NLGN1: variants seen among roughly 807,000 people sequenced by gnomAD.
NLGN1 encodes the protein neuroligin-1.
Under a neutral mutation model 65.5 loss-of-function variants are expected in NLGN1, and 12 were observed. The ratio of observed to expected loss-of-function variants is 0.18; its 90% CI spans 0.12 to 0.30. NLGN1 has a LOEUF of 0.30. NLGN1 is among the 10% of genes least tolerant of loss of function. The pLI, the probability that NLGN1 is intolerant of heterozygous loss-of-function variation, is 1.00. For missense variants in NLGN1, 750 were observed against 1,007.1 expected (o/e 0.74, Z 3.46); for synonymous variants, 350 against 359.5 (o/e 0.97, Z 0.30).
intron 2 of NLGN1, among the ~76,000 whole-genome samples, chr3:173,557,383 T>C (rs902431749): frequency 4.7e-4 from 71 of 152,230 alleles, no homozygotes; most frequent in African/African-American, 1.6e-3. Flanking sequence ...GTATGACTTA[T>C]CTCATTTTTT....
intron 3 of NLGN1, among the ~76,000 whole-genome samples, chr3:173,653,434 G>C (rs2149655391): frequency 6.6e-6 from 1 of 151,956 alleles, no homozygotes; most frequent in East Asian, 1.9e-4. Context: ...GTTTGTTAAG[G>C]GTCTTCATCA....
At chr3:174,080,168 TC>T (rs1442698126) in intron 4 of NLGN1, among the ~76,000 whole-genome samples, 1 of 152,188 alleles carries the variant, frequency 6.6e-6, no homozygotes. Flanking sequence ...AGTGCCTACA[TC>T]CAAAATATAT....
At chr3:174,129,027 A>C (rs1012622081) in intron 4 of NLGN1, among the ~76,000 whole-genome samples, 1 of 152,134 alleles carries the variant, frequency 6.6e-6, no homozygotes, top group African/African-American at 2.4e-5. Flanking sequence ...ATAGGTAACA[A>C]GCTTCAATTA....
At chr3:173,533,010 C>T (rs1405518637) in intron 2 of NLGN1, among the ~76,000 whole-genome samples, 2 of 152,120 alleles carry the variant, frequency 1.3e-5, no homozygotes, top group African/African-American at 4.8e-5. Flanking sequence ...ATTTTGCATG[C>T]GTATTCTTGA....
At position 174,107,232 on chromosome 3, in the gene NLGN1, A is replaced by G. The variant is rs184608434; in HGVS notation, c.647-168083A>G. On this transcript the variant is annotated intron_variant, in intron 4 of 6. Transcript: ENST00000457714. ...AGTCAAGGTAAAGAACACTACCATC[A>G]TCATAAGGATCTCTCATGTTGCCCT... 6.5e-4 allele frequency among the ~76,000 whole-genome samples: 99 copies of G among 152,172 alleles called. 1 individual carries two copies. The highest frequency in any genetic ancestry group is 2.3e-3 in the African/African-American group (97 of 41,518).
rs115558676 is a variant in NLGN1, at chr3:173,679,844, G to A, written c.493+74753G>A. Among the ~76,000 whole-genome samples, 532 of 152,144 alleles carry A rather than the reference G, an allele frequency of 3.5e-3. 4 individuals are homozygous for A. Among genetic ancestry groups the A allele is most frequent in the Non-Finnish European group, 5.1e-3 (346 of 67,970 alleles). On this transcript the variant is annotated intron_variant, in intron 3 of 6. Transcript: ENST00000457714. ...TGTATGTGCTTATGACTAGACAATGGCCATCAATGAATGAGACGTGGAAAC... is the reference window on the plus strand; with the variant it reads ...TGTATGTGCTTATGACTAGACAATGACCATCAATGAATGAGACGTGGAAAC...
intron 4 of NLGN1, among the ~76,000 whole-genome samples, chr3:174,090,448 G>A (rs1349324358): frequency 2.0e-5 from 3 of 152,006 alleles, no homozygotes; most frequent in African/African-American, 7.2e-5. Flanking sequence ...ACTCTAGCCT[G>A]GGGGACAGAG....
At chr3:173,711,284 G>A (rs1482277842) in intron 3 of NLGN1, among the ~76,000 whole-genome samples, 1 of 152,154 alleles carries the variant, frequency 6.6e-6, no homozygotes, top group Non-Finnish European at 1.5e-5. Context: ...CCAACAGTGG[G>A]CTTGGTAATT....
chr3:174,209,923 G>A (rs974812878), intron 4 of NLGN1, among the ~76,000 whole-genome samples: 3 of 151,820 alleles, frequency 2.0e-5, no homozygotes, highest in South Asian at 2.1e-4. Context: ...GAACCACCGC[G>A]CCTGGCTGTC....
chr3:174,183,953 T>C (rs928103102), intron 4 of NLGN1, among the ~76,000 whole-genome samples: 2 of 152,186 alleles, frequency 1.3e-5, no homozygotes, highest in Non-Finnish European at 2.9e-5. Flanking sequence ...TGTGAATTAT[T>C]ATTTTTCAGT....
rs551150986 is a variant in NLGN1 at position 173,803,634 on chromosome 3, A to G, written c.494-4046A>G. Among the ~76,000 whole-genome samples, 9 of 150,828 alleles carry G rather than the reference A, an allele frequency of 6.0e-5. No homozygotes were observed. The South Asian group carries it at 1.0e-3, about 17-fold the overall frequency. ...CAAAAAAAATTAAATGCAATTTTAT[A>G]TACTATATAGTTCAAGACAATTTTT... On this transcript the variant is annotated intron_variant, in intron 3 of 6. Transcript: ENST00000457714.
At chr3:174,047,869 A>G (rs1389186511) in intron 4 of NLGN1, among the ~76,000 whole-genome samples, 2 of 152,074 alleles carry the variant, frequency 1.3e-5, no homozygotes, top group Non-Finnish European at 2.9e-5. Flanking sequence ...AATATGTGTG[A>G]AGAAAAAATT....
At position 174,116,330 on chromosome 3, in the gene NLGN1, C is replaced by CTTTTTTT. The variant is rs1168837585; in HGVS notation, c.647-158964_647-158958dup. 1.0e-3 allele frequency among the ~76,000 whole-genome samples: 72 copies of CTTTTTTT among 69,652 alleles called. 14 individuals carry two copies. Among genetic ancestry groups the CTTTTTTT allele is most frequent in the Non-Finnish European group, 9.7e-4 (32 of 33,128 alleles). 45.7% of individuals were successfully genotyped at this position (69,652 alleles called of 152,430 possible). A position where few individuals can be genotyped will look rare whatever the true frequency, so the allele number is the denominator to read the frequency against. ...ACATGTAAGTTTTTTTCTGGGTTTT[C>CTTTTTTT]TTTTTTTTTTTTTTTTTTTTTTTTT... On this transcript the variant is annotated intron_variant, in intron 4 of 6. Coordinates refer to ENST00000457714, the Ensembl canonical transcript of NLGN1.
chr3:173,860,610 G>C (rs1440237695), intron 4 of NLGN1, among the ~76,000 whole-genome samples: 2 of 152,176 alleles, frequency 1.3e-5, no homozygotes, highest in African/African-American at 4.8e-5. Flanking sequence ...GTTTAAAAGA[G>C]CGAAGAAATT....
rs1427290019 is a variant in NLGN1, at chr3:173,997,548, TG to T, written c.646+189717del. On this transcript the variant is annotated intron_variant, in intron 4 of 6. Transcript: ENST00000457714. The stretch of plus-strand genomic sequence containing the variant: ...TTTGAATTAAAGCTCTTTATCAAAT[TG>T]ATTCTAAGTCTTGTTGATGGTATTT... Among the ~76,000 whole-genome samples the T allele has an allele frequency of 5.9e-5, 9 of 152,136 alleles. No homozygotes were observed. In the East Asian group the frequency reaches 1.5e-3, roughly 26 times the overall value.
At chr3:174,047,410 G>T (rs535718022) in intron 4 of NLGN1, among the ~76,000 whole-genome samples, 1 of 152,152 alleles carries the variant, frequency 6.6e-6, no homozygotes, top group East Asian at 1.9e-4. Context: ...TGGTGACTGA[G>T]AATTGGGTTA....
chr3:174,173,569 A>T (rs1217972389), intron 4 of NLGN1, among the ~76,000 whole-genome samples: 3 of 151,968 alleles, frequency 2.0e-5, no homozygotes, highest in Admixed American at 6.6e-5. Context: ...GCATCAGTTG[A>T]AATAGTCATT....
chr3:173,959,244 T>C (rs917564202), intron 4 of NLGN1, among the ~76,000 whole-genome samples: 1 of 152,230 alleles, frequency 6.6e-6, no homozygotes, highest in Non-Finnish European at 1.5e-5. Context: ...CTACCTGCTC[T>C]GTGGAGCCCA....
intron 3 of NLGN1, among the ~76,000 whole-genome samples, chr3:173,725,634 T>C (rs1202373936): frequency 6.6e-6 from 1 of 152,228 alleles, no homozygotes; most frequent in African/African-American, 2.4e-5. Context: ...AGCTAATCAC[T>C]ACAAGCGTGG....
Sources: allele counts gnomAD v4.1 joint callset (sites outside exome capture counted in the v4.1 genomes callset), GRCh38; gene constraint gnomAD v4.1.1; transcripts MANE v1.5; gene names NCBI Gene and HGNC (gene_info 2026-07-23, HGNC 2026-07-21).